RUVBL1: variants seen among roughly 807,000 people sequenced by gnomAD.
RUVBL1 encodes the protein ruvB-like 1.
In RUVBL1, 4 loss-of-function variants were observed where a neutral mutation model predicts 52.4. That is an observed-to-expected ratio of 0.08 (90% confidence interval 0.04 to 0.17). RUVBL1 has a LOEUF of 0.17. Among genes scored for constraint, RUVBL1 ranks in the 10% least tolerant of loss-of-function variants. The probability of loss-of-function intolerance (pLI) is 1.00; values close to 1 mark genes in which losing one functional copy is unlikely to be tolerated. For synonymous variants in RUVBL1, 217 were observed against 214.4 expected (o/e 1.01, Z -0.10); for missense variants, 298 against 572.8 (o/e 0.52, Z 4.90).
At chr3:128,111,517 C>G (rs1237906675) in intron 3 of RUVBL1, among the ~76,000 whole-genome samples, 1 of 152,096 alleles carries the variant, frequency 6.6e-6, no homozygotes, top group Admixed American at 6.6e-5. Flanking sequence ...GCAAACACAC[C>G]CAGAATCCAA....
chr3:128,088,460 C>T (rs1942723914), intron 8 of RUVBL1, among the ~76,000 whole-genome samples: 1 of 148,022 alleles, frequency 6.8e-6, no homozygotes, highest in South Asian at 2.1e-4. Context: ...TAATTATACT[C>T]TATAGTATAA....
intron 9 of RUVBL1, among the ~76,000 whole-genome samples, chr3:128,065,602 G>A (rs1444908788): frequency 1.3e-5 from 2 of 152,102 alleles, no homozygotes; most frequent in African/African-American, 4.8e-5. Flanking sequence ...GCAGTTTGAT[G>A]TTTGTGAAAG....
chr3:128,114,800 G>C (rs1460631594), intron 2 of RUVBL1, among the ~76,000 whole-genome samples: 1 of 152,038 alleles, frequency 6.6e-6, no homozygotes, highest in Non-Finnish European at 1.5e-5. Context: ...TCTAACAGCA[G>C]ACTCCCCGTG....
chr3:128,068,332 A>G (rs1044022269), intron 9 of RUVBL1, among the ~76,000 whole-genome samples: 7 of 152,224 alleles, frequency 4.6e-5, no homozygotes, highest in Admixed American at 2.6e-4. Context: ...CAGTGCAGTA[A>G]GGGTCCTGAG....
At chr3:128,153,648 C>G (rs1040681792) in exon 1 of RUVBL1, 1 of 1,598,638 alleles carries the variant, frequency 6.3e-7, no homozygotes, top group Non-Finnish European at 8.5e-7. Context: ...AGCGCGGCAT[C>G]ACGCTCGATC....
At chr3:128,122,269 T>A (rs567152369) in intron 1 of RUVBL1, among the ~76,000 whole-genome samples, 2 of 152,344 alleles carry the variant, frequency 1.3e-5, no homozygotes, top group East Asian at 3.9e-4. Flanking sequence ...AGTGTAGTGA[T>A]GCCTGCAATT....
intron 1 of RUVBL1, among the ~76,000 whole-genome samples, chr3:128,150,668 T>C (rs1235288134): frequency 1.5e-5 from 2 of 131,688 alleles, no homozygotes; most frequent in African/African-American, 2.9e-5. Flanking sequence ...ATTCTATACA[T>C]ATATTCTATA....
At chr3:128,126,939 T>TAAAAA (rs1943801477), upstream of RUVBL1, among the ~76,000 whole-genome samples, 1 of 152,224 alleles carries the variant, frequency 6.6e-6, no homozygotes. Flanking sequence ...GTTTCAGTGG[T>TAAAAA]AAACACGTGG....
intron 8 of RUVBL1, among the ~76,000 whole-genome samples, chr3:128,089,478 T>G (rs1421638847): frequency 6.6e-6 from 1 of 152,254 alleles, no homozygotes; most frequent in Non-Finnish European, 1.5e-5. Flanking sequence ...ATTAGTCATG[T>G]CAACTGGATT....
chr3:128,121,723 A>C (rs6787770), intron 1 of RUVBL1, among the ~76,000 whole-genome samples: 20,307 of 150,378 alleles, frequency 0.14, 1,723 homozygotes, highest in African/African-American at 0.19. Flanking sequence ...AAAAAAAAAA[A>C]AAAAAAAAAA....
intron 1 of RUVBL1, among the ~76,000 whole-genome samples, chr3:128,129,093 C>G (rs146867629): frequency 6.6e-6 from 1 of 152,182 alleles, no homozygotes; most frequent in Admixed American, 6.5e-5. Context: ...CTTTCCCTTC[C>G]CAGGCTTCAG....
downstream of RUVBL1, chr3:128,078,631 A>G (rs1942393627): frequency 6.6e-6 from 1 of 151,590 alleles, no homozygotes; most frequent in Non-Finnish European, 1.5e-5. Context: ...ATATTACAAC[A>G]ATTTTTCACA....
At chr3:128,142,421 G>C (rs934959475) in intron 1 of RUVBL1, among the ~76,000 whole-genome samples, 1 of 152,234 alleles carries the variant, frequency 6.6e-6, no homozygotes, top group Non-Finnish European at 1.5e-5. Flanking sequence ...TGATGAGGTA[G>C]GGTGGAATTA....
At position 128,082,676 on chromosome 3, in the gene RUVBL1, A is replaced by G. The variant is rs192556448; in HGVS notation, c.1120-102T>C. On this transcript the variant is annotated intron_variant, in intron 9 of 10. Transcript: ENST00000322623. The surrounding 1 kb of genome is among the most constrained non-coding windows in gnomAD (Gnocchi z 4.7). Reference sequence around the variant, plus strand: ...TTGCTCAGATTTCTCACTGTGCAGCATAAGAGAAACTGAGACCTGGGTTGG... The same window carrying G: ...TTGCTCAGATTTCTCACTGTGCAGCGTAAGAGAAACTGAGACCTGGGTTGG... 2 of 974,064 alleles carry G rather than the reference A, an allele frequency of 2.1e-6. No homozygotes were observed. Among genetic ancestry groups the G allele is most frequent in the East Asian group, 2.6e-5 (1 of 38,110 alleles). The allele number at this position is 974,064 out of a possible 1,614,324, so 60.3% of individuals were successfully genotyped here.
At chr3:128,145,630 C>T (rs1048889121) in intron 1 of RUVBL1, among the ~76,000 whole-genome samples, 7 of 151,874 alleles carry the variant, frequency 4.6e-5, no homozygotes, top group African/African-American at 9.7e-5. Flanking sequence ...GGGAGAGAAA[C>T]GGAGAGGAGC....
intron 3 of RUVBL1, among the ~76,000 whole-genome samples, chr3:128,108,699 TAA>T (rs74269418): frequency 2.8e-5 from 4 of 143,458 alleles, no homozygotes; most frequent in African/African-American, 5.1e-5. Context: ...TTGTCTCAAT[TAA>T]AAAAAAAAAA....
At chr3:128,138,144 G>A (rs1311548141) in intron 1 of RUVBL1, among the ~76,000 whole-genome samples, 1 of 152,124 alleles carries the variant, frequency 6.6e-6, no homozygotes, top group Non-Finnish European at 1.5e-5. Context: ...AGACAAGGAT[G>A]CCCCTTTGCT....
downstream of RUVBL1, chr3:128,078,813 C>T (rs932902925): frequency 3.3e-5 from 5 of 152,170 alleles, no homozygotes; most frequent in Non-Finnish European, 7.3e-5. Context: ...AAACTTCGCC[C>T]GGAAGATTAA....
In RUVBL1 at chr3:128,081,045, C is replaced by T. The variant is rs1942458412; in HGVS notation, c.*205G>A. On this transcript the variant is annotated 3_prime_UTR_variant, in exon 11 of 11. Coordinates refer to ENST00000322623, the MANE Select transcript of RUVBL1 (RefSeq NM_003707.3). The surrounding 1 kb of genome is among the most constrained non-coding windows in gnomAD (Gnocchi z 4.8). The stretch of plus-strand genomic sequence containing the variant: ...AACCTATGAAGATTTATAGAAAACA[C>T]ACCAGGTAAGGAAGGGTTCTTTCAA... 2 of 513,164 alleles carry T rather than the reference C, an allele frequency of 3.9e-6. No homozygotes were observed. Among genetic ancestry groups the T allele is most frequent in the African/African-American group, 1.9e-5 (1 of 52,774 alleles). The allele number at this position is 513,164 out of a possible 1,614,324, so 31.8% of individuals were successfully genotyped here. A position where few individuals can be genotyped will look rare whatever the true frequency, so the allele number is the denominator to read the frequency against.
Sources: allele counts gnomAD v4.1 joint callset (sites outside exome capture counted in the v4.1 genomes callset), GRCh38; gene constraint gnomAD v4.1.1; non-coding constraint Gnocchi (gnomAD v3.1); transcripts MANE v1.5; gene names NCBI Gene and HGNC (gene_info 2026-07-23, HGNC 2026-07-21).